The following ZRANB3 variants were observed in gnomAD, a reference collection of about 807,000 sequenced individuals.
ZRANB3 encodes zinc finger RANBP2-type containing 3.
In ZRANB3, 125 loss-of-function variants were observed where a neutral mutation model predicts 133.8. The ratio of observed to expected loss-of-function variants is 0.93; its 90% CI spans 0.81 to 1.08. The LOEUF (loss-of-function observed/expected upper bound fraction) is 1.08, where lower values mean the gene tolerates loss of function less well. ZRANB3 is among the 50% of genes least tolerant of loss of function. The pLI, the probability that ZRANB3 is intolerant of heterozygous loss-of-function variation, is 0.00. For missense variants in ZRANB3, 1,229 were observed against 1,275.5 expected, an observed-to-expected ratio of 0.96 and a Z score of 0.56; for synonymous variants, 387 against 432.7, an observed-to-expected ratio of 0.89 and a Z score of 1.31.
At chr2:135,452,685 G>A (rs1488182248) in intron 2 of ZRANB3, among the ~76,000 whole-genome samples, 1 of 152,212 alleles carries the variant, frequency 6.6e-6, no homozygotes, top group African/African-American at 2.4e-5. Context: ...AAATTATCTT[G>A]TTTGACTCCA....
chr2:135,369,325 T>A (rs1686068932), intron 3 of ZRANB3, among the ~76,000 whole-genome samples: 1 of 152,132 alleles, frequency 6.6e-6, no homozygotes, highest in Non-Finnish European at 1.5e-5. Flanking sequence ...TTCAAAACAG[T>A]AAAACATTGC....
chr2:135,511,201 T>C (rs1693437545), intron 1 of ZRANB3: 1 of 830,598 alleles, frequency 1.2e-6, no homozygotes, highest in African/African-American at 1.7e-5. Flanking sequence ...CAAGAAAATG[T>C]CCTCAAGTCT....
At chr2:135,283,049 C>T (rs905956493) in intron 8 of ZRANB3, among the ~76,000 whole-genome samples, 2 of 152,176 alleles carry the variant, frequency 1.3e-5, no homozygotes, top group African/African-American at 2.4e-5. Context: ...CTTTGGGAGG[C>T]TGGGGCAGGA....
chr2:135,373,736 C>T (rs954162188), intron 3 of ZRANB3, among the ~76,000 whole-genome samples: 3 of 134,838 alleles, frequency 2.2e-5, no homozygotes, highest in East Asian at 2.3e-4. Context: ...TGCAGTGAAC[C>T]GAGACTGCCC....
chr2:135,222,507 A>G (rs1361712364), intron 15 of ZRANB3, among the ~76,000 whole-genome samples: 5 of 152,126 alleles, frequency 3.3e-5, no homozygotes, highest in South Asian at 2.1e-4. Context: ...TCAGAAAGTC[A>G]TAAGTGTTTT....
intron 1 of ZRANB3, among the ~76,000 whole-genome samples, chr2:135,512,314 T>C (rs1363367135): frequency 1.3e-5 from 2 of 152,172 alleles, no homozygotes; most frequent in Non-Finnish European, 2.9e-5. Flanking sequence ...CTCATTTAAG[T>C]AAATAGTAGA....
chr2:135,480,861 G>A (rs1341028462), intron 2 of ZRANB3, among the ~76,000 whole-genome samples: 12 of 133,072 alleles, frequency 9.0e-5, no homozygotes, highest in Middle Eastern at 3.8e-3. Flanking sequence ...GAGAATATGC[G>A]GTGTTTGGTT....
chr2:135,331,275 T>G (rs1173909059), intron 6 of ZRANB3, among the ~76,000 whole-genome samples: 2 of 152,218 alleles, frequency 1.3e-5, no homozygotes, highest in Admixed American at 1.3e-4. Context: ...TTTTTCTCAT[T>G]GGTTTCAAAG....
At chr2:135,492,126 A>G (rs1692410863) in intron 2 of ZRANB3, among the ~76,000 whole-genome samples, 1 of 152,212 alleles carries the variant, frequency 6.6e-6, no homozygotes, top group Non-Finnish European at 1.5e-5. Context: ...AGTGGATCAT[A>G]GAATGATCAT....
intron 6 of ZRANB3, among the ~76,000 whole-genome samples, chr2:135,321,197 T>C (rs1400850475): frequency 6.6e-6 from 1 of 152,234 alleles, no homozygotes; most frequent in Non-Finnish European, 1.5e-5. Context: ...ATTGTCAGTG[T>C]ATGCCATAAT....
intron 10 of ZRANB3, among the ~76,000 whole-genome samples, chr2:135,269,881 C>A (rs1209313469): frequency 6.6e-6 from 1 of 152,140 alleles, no homozygotes; most frequent in African/African-American, 2.4e-5. Context: ...AGTAAAATGA[C>A]ATTAGGTGGT....
chr2:135,386,105 C>T (rs1471075998), intron 3 of ZRANB3, among the ~76,000 whole-genome samples: 3 of 150,392 alleles, frequency 2.0e-5, no homozygotes, highest in Non-Finnish European at 4.4e-5. Flanking sequence ...TGAGAAAGGG[C>T]TAATATCCAG....
At chr2:135,221,969 C>T (rs1417244593) in intron 15 of ZRANB3, among the ~76,000 whole-genome samples, 1 of 152,200 alleles carries the variant, frequency 6.6e-6, no homozygotes, top group South Asian at 2.1e-4. Flanking sequence ...CACTATCTAT[C>T]TATATCTATA....
intron 17 of ZRANB3, 110 bp from the exon 18 acceptor site, chr2:135,209,088 T>TGTGCTTG: frequency 9.9e-7 from 1 of 1,005,472 alleles, no homozygotes; most frequent in Non-Finnish European, 1.5e-6. Context: ...CAAGCACAAT[T>TGTGCTTG]CTATTAACTG....
intron 6 of ZRANB3, among the ~76,000 whole-genome samples, chr2:135,342,890 C>T (rs1347383870): frequency 6.8e-6 from 1 of 147,372 alleles, no homozygotes. Flanking sequence ...GTTGGCTGGG[C>T]ATGGTAGCTC....
chr2:135,375,678 C>T (rs1220420647), intron 3 of ZRANB3, among the ~76,000 whole-genome samples: 1 of 149,420 alleles, frequency 6.7e-6, no homozygotes, highest in Non-Finnish European at 1.5e-5. Context: ...GAGCGAGACT[C>T]CATCTCAAAA....
At chr2:135,481,553 C>T (rs1318486207) in intron 2 of ZRANB3, among the ~76,000 whole-genome samples, 2 of 151,996 alleles carry the variant, frequency 1.3e-5, no homozygotes, top group African/African-American at 4.8e-5. Context: ...AATTTTCTCC[C>T]ATTTTGTAGG....
intron 1 of ZRANB3, among the ~76,000 whole-genome samples, chr2:135,521,995 T>G (rs1693964647): frequency 6.6e-6 from 1 of 152,154 alleles, no homozygotes; most frequent in Non-Finnish European, 1.5e-5. Context: ...TGCCTTCATG[T>G]CTTTATGCTC....
chr2:135,364,892 T>C (rs1005958969), intron 3 of ZRANB3, among the ~76,000 whole-genome samples: 1 of 151,776 alleles, frequency 6.6e-6, no homozygotes, highest in South Asian at 2.1e-4. Flanking sequence ...CTACTAAAAA[T>C]ACAAAAATTA....
Sources: gnomAD v4.1 joint callset for allele counts (sites outside exome capture counted in the v4.1 genomes callset) on GRCh38, gnomAD v4.1.1 for gene constraint, MANE v1.5 for transcripts, NCBI Gene and HGNC (gene_info 2026-07-23, HGNC 2026-07-21) for gene names.